CAPZB: variants seen among roughly 807,000 people sequenced by gnomAD.
The protein encoded by CAPZB is capping actin protein of muscle Z-line subunit beta.
CAPZB carries 2 observed loss-of-function variants against 38.1 expected under a neutral mutation model. The observed-to-expected ratio is 0.05, with a 90% CI of 0.02 to 0.17. The LOEUF is 0.17. Among genes scored for constraint, CAPZB ranks in the 10% least tolerant of loss-of-function variants. The pLI is 1.00. For synonymous variants in CAPZB, 107 were observed against 127.4 expected, an observed-to-expected ratio of 0.84 and a Z score of 1.08; for missense variants, 161 against 334.2, an observed-to-expected ratio of 0.48 and a Z score of 4.04.
chr1:19,466,927 G>A (rs2094570966), intron 1 of CAPZB, among the ~76,000 whole-genome samples: 1 of 151,834 alleles, frequency 6.6e-6, no homozygotes, highest in South Asian at 2.1e-4. Flanking sequence ...TTTGAGAGAG[G>A]GTGTTGTTCT....
chr1:19,352,041 C>T (rs1345413497), intron 6 of CAPZB, among the ~76,000 whole-genome samples: 1 of 152,226 alleles, frequency 6.6e-6, no homozygotes, highest in East Asian at 1.9e-4. Context: ...CCCCACAGGA[C>T]ACGAGGAGCG....
At chr1:19,460,623 G>A (rs375049212) in intron 1 of CAPZB, among the ~76,000 whole-genome samples, 17 of 125,084 alleles carry the variant, frequency 1.4e-4, no homozygotes, top group Admixed American at 3.1e-4. Flanking sequence ...ATGTTGCCCC[G>A]GCTGGTCTCA....
chr1:19,479,886 T>C (rs1040403657), intron 1 of CAPZB, among the ~76,000 whole-genome samples: 2 of 152,140 alleles, frequency 1.3e-5, no homozygotes, highest in Admixed American at 6.5e-5. Flanking sequence ...AGGCACCCCA[T>C]GGGCTCGCAT....
intron 1 of CAPZB, among the ~76,000 whole-genome samples, chr1:19,461,989 A>G (rs986833202): frequency 6.6e-6 from 1 of 152,202 alleles, no homozygotes; most frequent in Non-Finnish European, 1.5e-5. Flanking sequence ...TATTAATGAT[A>G]CAATCATAAA....
chr1:19,340,530 G>C (rs543134050), intron 8 of CAPZB, among the ~76,000 whole-genome samples: 24 of 152,290 alleles, frequency 1.6e-4, no homozygotes, highest in Admixed American at 2.6e-4. Context: ...GCATCCTGGG[G>C]AAGTCTCAAC....
Position 19,357,294 on chromosome 1 carries a change from A to G in CAPZB, c.471+128T>C. ...ATCTTTATCCAAATGGCTTTGAGGCATTTCTCAGAATTAGGGGTTCAGAGA... is the reference window on the plus strand; with the variant it reads ...ATCTTTATCCAAATGGCTTTGAGGCGTTTCTCAGAATTAGGGGTTCAGAGA... On this transcript the variant is annotated intron_variant, in intron 5 of 8. Transcript: ENST00000264202. The surrounding 1 kb of genome is among the most constrained non-coding windows in gnomAD (Gnocchi z 4.3). 1.2e-6 allele frequency: 1 copy of G among 811,666 alleles called. No individual in the cohort carries two copies. The highest frequency in any genetic ancestry group is 2.0e-6 in the Non-Finnish European group (1 of 496,844). 50.3% of individuals were successfully genotyped at this position (811,666 alleles called of 1,614,324 possible). A position where few individuals can be genotyped will look rare whatever the true frequency, so the allele number is the denominator to read the frequency against.
chr1:19,406,219 C>A (rs953929927), intron 2 of CAPZB, among the ~76,000 whole-genome samples: 3 of 152,224 alleles, frequency 2.0e-5, no homozygotes, highest in East Asian at 1.9e-4. Context: ...ATTCCTCCCC[C>A]ACGCATCCCT....
chr1:19,422,392 G>A (rs2094404692), intron 1 of CAPZB, among the ~76,000 whole-genome samples: 1 of 152,120 alleles, frequency 6.6e-6, no homozygotes, highest in Non-Finnish European at 1.5e-5. Context: ...GGGGGCTGCA[G>A]ATTCCCAGAA....
At position 19,397,742 on chromosome 1, in the gene CAPZB, CAT is replaced by C. The variant is rs548022065; in HGVS notation, c.94-12118_94-12117del. On this transcript the variant is annotated intron_variant, in intron 2 of 8. Coordinates refer to ENST00000264202, the MANE Select transcript of CAPZB (RefSeq NM_004930.5). ...GCCTGGCCTCAGGCTTTATAAACCA[CAT>C]GTGTGCCAAATGTCCACGTCTAAAC... is the stretch of plus-strand genomic sequence containing the variant. Among the ~76,000 whole-genome samples, 365 of 152,336 alleles carry C rather than the reference CAT, an allele frequency of 2.4e-3. 1 individual carries two copies. Among genetic ancestry groups the C allele is most frequent in the Middle Eastern group, 0.01 (3 of 294 alleles).
chr1:19,348,920 C>T (rs1006415742), intron 6 of CAPZB, among the ~76,000 whole-genome samples: 1 of 152,172 alleles, frequency 6.6e-6, no homozygotes, highest in African/African-American at 2.4e-5. Context: ...ACCGGCTTCT[C>T]TGCTCCCATC....
chr1:19,476,797 C>T (rs2094608384), intron 1 of CAPZB, among the ~76,000 whole-genome samples: 1 of 152,218 alleles, frequency 6.6e-6, no homozygotes, highest in Admixed American at 6.5e-5. Flanking sequence ...CCAAAAAAAC[C>T]TCCTAAACAA....
At chr1:19,359,302 C>T (rs962164353) in intron 4 of CAPZB, among the ~76,000 whole-genome samples, 1 of 150,038 alleles carries the variant, frequency 6.7e-6, no homozygotes, top group Non-Finnish European at 1.5e-5. Flanking sequence ...ACGAATACAC[C>T]GGAGTGTAAT....
chr1:19,442,843 T>C (rs1215535132), intron 1 of CAPZB, among the ~76,000 whole-genome samples: 1 of 152,124 alleles, frequency 6.6e-6, no homozygotes, highest in African/African-American at 2.4e-5. Flanking sequence ...GTTCCGTTGC[T>C]CCTGCCTTCA....
chr1:19,464,637 C>A (rs1299303856), intron 1 of CAPZB, among the ~76,000 whole-genome samples: 1 of 152,146 alleles, frequency 6.6e-6, no homozygotes, highest in Admixed American at 6.5e-5. Flanking sequence ...CATCCAAAAA[C>A]TGGAGGCAAC....
At chr1:19,452,970 ATTT>A (rs1257937713) in intron 1 of CAPZB, among the ~76,000 whole-genome samples, 2 of 150,440 alleles carry the variant, frequency 1.3e-5, no homozygotes, top group African/African-American at 4.9e-5. Flanking sequence ...TGCCCAACTA[ATTT>A]TTTTTATTTT....
At chr1:19,374,479 T>C (rs1162369713) in intron 4 of CAPZB, 3 of 152,350 alleles carry the variant, frequency 2.0e-5, no homozygotes, top group Admixed American at 2.0e-4. Context: ...TTAAAGACCC[T>C]GTCAACACAG....
chr1:19,471,821 G>A (rs1024165964), intron 1 of CAPZB, among the ~76,000 whole-genome samples: 4 of 128,204 alleles, frequency 3.1e-5, no homozygotes, highest in East Asian at 2.4e-4. Context: ...AGCCGAAATC[G>A]CTCCACTGCA....
intron 1 of CAPZB, among the ~76,000 whole-genome samples, chr1:19,474,398 A>G (rs1275304764): frequency 7.2e-5 from 11 of 152,206 alleles, no homozygotes; most frequent in Admixed American, 7.2e-4. Flanking sequence ...TGAAGTGACT[A>G]GGTTCAAGCC....
rs1275308338 is a variant in CAPZB at position 19,339,420 on chromosome 1, T to A, written c.*110A>T. 14 of 812,450 alleles carry A rather than the reference T, an allele frequency of 1.7e-5. No homozygotes were observed. The highest frequency in any genetic ancestry group is 2.2e-4 in the Middle Eastern group (1 of 4,496). 50.3% of individuals were successfully genotyped at this position (812,450 alleles called of 1,614,324 possible). ...GCTGTGCGGTCAATGATGCAGCTGTTATGTGACCTGTCGGGGAGGGAAGGG... is the reference window on the plus strand; with the variant it reads ...GCTGTGCGGTCAATGATGCAGCTGTAATGTGACCTGTCGGGGAGGGAAGGG... On this transcript the variant is annotated 3_prime_UTR_variant, in exon 9 of 9. Transcript: ENST00000264202.
Sources: allele counts gnomAD v4.1 joint callset (sites outside exome capture counted in the v4.1 genomes callset), GRCh38; gene constraint gnomAD v4.1.1; non-coding constraint Gnocchi (gnomAD v3.1); transcripts MANE v1.5; gene names NCBI Gene and HGNC (gene_info 2026-07-23, HGNC 2026-07-21).